WDR7: variants seen among roughly 807,000 people sequenced by gnomAD.
WDR7 encodes the protein WD repeat-containing protein 7.
Under a neutral mutation model 169.4 loss-of-function variants are expected in WDR7, and 46 were observed. The ratio of observed to expected loss-of-function variants is 0.27; its 90% CI spans 0.21 to 0.35. The LOEUF is 0.35. Among genes scored for constraint, WDR7 ranks in the 10% least tolerant of loss-of-function variants. The probability of loss-of-function intolerance (pLI) is 1.00; values close to 1 mark genes in which losing one functional copy is unlikely to be tolerated. For missense variants in WDR7, 1,534 were observed against 1,859.3 expected, an observed-to-expected ratio of 0.83 and a Z score of 3.22; for synonymous variants, 612 against 666.8, an observed-to-expected ratio of 0.92 and a Z score of 1.27.
chr18:56,773,314 G>A (rs2044192518), intron 16 of WDR7, among the ~76,000 whole-genome samples: 1 of 151,156 alleles, frequency 6.6e-6, no homozygotes, highest in Non-Finnish European at 1.5e-5. Context: ...ACACATACAA[G>A]GTTGGAGGCT....
chr18:56,736,689 A>G (rs1258749636), intron 14 of WDR7, among the ~76,000 whole-genome samples: 2 of 152,052 alleles, frequency 1.3e-5, no homozygotes, highest in Non-Finnish European at 2.9e-5. Flanking sequence ...GATTATTAAG[A>G]GAGCTGTTTT....
At chr18:56,782,074 A>G (rs912181762) in intron 19 of WDR7, 1 of 152,864 alleles carries the variant, frequency 6.5e-6, no homozygotes, top group Non-Finnish European at 1.5e-5. Flanking sequence ...AAAAACAAAG[A>G]TCTGATAGAG....
chr18:56,915,129 A>G (rs936835362), intron 21 of WDR7, among the ~76,000 whole-genome samples: 6 of 152,240 alleles, frequency 3.9e-5, no homozygotes, highest in African/African-American at 1.4e-4. Flanking sequence ...CAGGATATAA[A>G]AAGTTTGAAA....
intron 22 of WDR7, among the ~76,000 whole-genome samples, chr18:56,925,669 G>A (rs950828823): frequency 6.6e-6 from 1 of 152,164 alleles, no homozygotes; most frequent in Non-Finnish European, 1.5e-5. Context: ...TCTATGCTCA[G>A]GAAGTAGAGA....
chr18:56,971,968 G>A (rs1344027304), intron 26 of WDR7, among the ~76,000 whole-genome samples: 2 of 152,154 alleles, frequency 1.3e-5, no homozygotes, highest in Admixed American at 6.5e-5. Flanking sequence ...TAATATAGAT[G>A]TTGTAAACAA....
At chr18:56,996,131 C>G (rs1185619172) in intron 26 of WDR7, among the ~76,000 whole-genome samples, 1 of 152,070 alleles carries the variant, frequency 6.6e-6, no homozygotes, top group Non-Finnish European at 1.5e-5. Context: ...TCTCTTCTTA[C>G]CCTGATTAAT....
rs144947833 is a variant in WDR7 at position 57,027,217 on chromosome 18, C to T, written c.*10C>T. 66 of 1,607,416 alleles carry T rather than the reference C, an allele frequency of 4.1e-5. No individual in the cohort carries two copies. The African/African-American group carries it at 6.9e-4, about 17-fold the overall frequency. On this transcript the variant is annotated 3_prime_UTR_variant, in exon 28 of 28. Coordinates refer to ENST00000254442, the MANE Select transcript of WDR7 (RefSeq NM_015285.3). ...CCGCTTCATGGTCTAATGCTGCTGC[C>T]TGCCGCCGTGACTGCGTTTTAGTTC...
chr18:56,786,200 TG>T (rs2044396688), intron 19 of WDR7, among the ~76,000 whole-genome samples: 1 of 152,116 alleles, frequency 6.6e-6, no homozygotes, highest in Admixed American at 6.5e-5. Context: ...AGCAATAGTC[TG>T]TCTTAACTGA....
intron 20 of WDR7, among the ~76,000 whole-genome samples, chr18:56,820,524 C>A (rs1214794608): frequency 1.3e-5 from 2 of 151,776 alleles, no homozygotes; most frequent in Non-Finnish European, 2.9e-5. Context: ...CATTCAGGAG[C>A]AAATATATAT....
chr18:56,800,202 T>C (rs904660681), intron 19 of WDR7, among the ~76,000 whole-genome samples: 3 of 152,238 alleles, frequency 2.0e-5, no homozygotes, highest in Non-Finnish European at 4.4e-5. Context: ...GGTGCTCCCT[T>C]ACTTAATTCA....
chr18:56,703,132 G>A (rs905284457), intron 12 of WDR7, among the ~76,000 whole-genome samples: 1 of 152,154 alleles, frequency 6.6e-6, no homozygotes, highest in Non-Finnish European at 1.5e-5. Flanking sequence ...AAACAGGAAT[G>A]TGCGTCATCT....
intron 21 of WDR7, among the ~76,000 whole-genome samples, chr18:56,921,396 T>C (rs1290736571): frequency 6.6e-6 from 1 of 152,224 alleles, no homozygotes; most frequent in Non-Finnish European, 1.5e-5. Context: ...CTGTAAAAAC[T>C]GCCCTGCCAA....
At position 56,765,507 on chromosome 18, in the gene WDR7, C is replaced by T. The variant is rs2044049230; in HGVS notation, c.2848+6554C>T. Among the ~76,000 whole-genome samples the T allele has an allele frequency of 2.6e-5, 4 of 151,788 alleles. No homozygotes were observed. The South Asian group carries it at 8.3e-4, about 31-fold the overall frequency. On this transcript the variant is annotated intron_variant, in intron 16 of 27. Coordinates refer to ENST00000254442, the MANE Select transcript of WDR7 (RefSeq NM_015285.3). ...TTTAACATTTAATATAAATGTTAAA[C>T]CTTATAATATTATATTAGCATTTCT... is the stretch of plus-strand genomic sequence containing the variant.
chr18:56,847,791 G>T (rs1360200693), intron 20 of WDR7, among the ~76,000 whole-genome samples: 1 of 152,176 alleles, frequency 6.6e-6, no homozygotes, highest in Non-Finnish European at 1.5e-5. Context: ...TATAAGCCTT[G>T]GTGGCTTCCA....
intron 20 of WDR7, among the ~76,000 whole-genome samples, chr18:56,828,384 A>G (rs1371630151): frequency 6.6e-6 from 1 of 152,218 alleles, no homozygotes; most frequent in Admixed American, 6.5e-5. Context: ...TAATTTGCAT[A>G]TGCATAGCTG....
chr18:56,927,697 A>T (rs2046826357), intron 22 of WDR7, among the ~76,000 whole-genome samples: 1 of 152,222 alleles, frequency 6.6e-6, no homozygotes, highest in Non-Finnish European at 1.5e-5. Flanking sequence ...TGAAATCAAA[A>T]TATCTACAGT....
chr18:57,007,333 A>G (rs2145905327), intron 26 of WDR7, among the ~76,000 whole-genome samples: 1 of 152,330 alleles, frequency 6.6e-6, no homozygotes, highest in African/African-American at 2.4e-5. Flanking sequence ...GGAGAAAAAA[A>G]TAATTATACT....
At chr18:56,707,426 G>GTT (rs1232820703) in intron 12 of WDR7, among the ~76,000 whole-genome samples, 129 of 123,858 alleles carry the variant, frequency 1.0e-3, no homozygotes, top group African/African-American at 3.3e-3. Context: ...TTTGCGTTTT[G>GTT]TTTTTTTTTT....
intron 19 of WDR7, among the ~76,000 whole-genome samples, chr18:56,802,639 A>G (rs887406990): frequency 3.3e-5 from 5 of 151,120 alleles, no homozygotes; most frequent in Admixed American, 1.3e-4. Context: ...AAGTGCTGGG[A>G]TTACAGGCAT....
Sources: gnomAD v4.1 joint callset for allele counts (sites outside exome capture counted in the v4.1 genomes callset) on GRCh38, gnomAD v4.1.1 for gene constraint, MANE v1.5 for transcripts, NCBI Gene and HGNC (gene_info 2026-07-23, HGNC 2026-07-21) for gene names.